B3GALT1: variants seen among roughly 807,000 people sequenced by gnomAD.
The protein encoded by B3GALT1 is beta-1,3-galactosyltransferase 1.
In B3GALT1, 10 loss-of-function variants were observed where a neutral mutation model predicts 23.2. The ratio of observed to expected loss-of-function variants is 0.43; its 90% CI spans 0.27 to 0.73. The LOEUF (loss-of-function observed/expected upper bound fraction) is 0.73. Among genes scored for constraint, B3GALT1 ranks in the 30% least tolerant of loss-of-function variants. The probability of loss-of-function intolerance (pLI) is 0.21; values close to 1 mark genes in which losing one functional copy is unlikely to be tolerated. For missense variants in B3GALT1, 299 were observed against 405.4 expected, an observed-to-expected ratio of 0.74 and a Z score of 2.25; for synonymous variants, 156 against 141.5, an observed-to-expected ratio of 1.10 and a Z score of -0.73.
chr2:167,404,306 C>A (rs568090147), intron 1 of B3GALT1, among the ~76,000 whole-genome samples: 10 of 152,134 alleles, frequency 6.6e-5, no homozygotes, highest in Non-Finnish European at 1.3e-4. Flanking sequence ...ACACCACCCC[C>A]CCATTAGGCC....
chr2:167,815,689 A>G (rs1282459854), intron 3 of B3GALT1, among the ~76,000 whole-genome samples: 1 of 152,234 alleles, frequency 6.6e-6, no homozygotes, highest in Non-Finnish European at 1.5e-5. Flanking sequence ...AGCACCGGCA[A>G]AATTCCTTTT....
chr2:167,560,933 A>T (rs1467600590), intron 2 of B3GALT1, among the ~76,000 whole-genome samples: 1 of 151,812 alleles, frequency 6.6e-6, no homozygotes, highest in East Asian at 1.9e-4. Flanking sequence ...CAGGAATTGA[A>T]CTCAGCTCTG....
chr2:167,521,982 GTGTATA>G (rs1480094679), intron 2 of B3GALT1, among the ~76,000 whole-genome samples: 15 of 135,240 alleles, frequency 1.1e-4, no homozygotes, highest in African/African-American at 2.8e-4. Context: ...GTGTGTGTGT[GTGTATA>G]TATATATATA....
intron 2 of B3GALT1, among the ~76,000 whole-genome samples, chr2:167,506,786 T>C (rs1201714791): frequency 7.1e-6 from 1 of 141,682 alleles, no homozygotes; most frequent in Non-Finnish European, 1.5e-5. Context: ...GATTTGGATT[T>C]GGATGGTGGA....
chr2:167,641,764 G>A lies in B3GALT1; in HGVS notation c.-409-5145G>A, dbSNP rs182668569. 5.9e-4 allele frequency among the ~76,000 whole-genome samples: 90 copies of A among 152,164 alleles called. 1 individual carries two copies. The highest frequency in any genetic ancestry group is 1.5e-3 in the African/African-American group (64 of 41,522). On this transcript the variant is annotated intron_variant, in intron 2 of 4. Coordinates refer to ENST00000392690, the MANE Select transcript of B3GALT1 (RefSeq NM_020981.4). ...TCTTGTCAGCCCTGCAAATGTTGGC[G>A]TGCTCAAGGACTCAGTGGTGGGACC... is the stretch of plus-strand genomic sequence containing the variant.
At chr2:167,518,770 G>A (rs113029891) in intron 2 of B3GALT1, among the ~76,000 whole-genome samples, 140 of 152,290 alleles carry the variant, frequency 9.2e-4, no homozygotes, top group Middle Eastern at 3.4e-3. Context: ...AACAGTTAAT[G>A]CCTGGTACTT....
intron 4 of B3GALT1, among the ~76,000 whole-genome samples, chr2:167,866,059 G>A (rs1021614779): frequency 2.0e-5 from 3 of 151,476 alleles, no homozygotes; most frequent in Admixed American, 6.6e-5. Context: ...TTATGCCCTT[G>A]CATATGCTGT....
intron 2 of B3GALT1, among the ~76,000 whole-genome samples, chr2:167,571,954 A>G (rs192380647): frequency 2.5e-4 from 38 of 152,050 alleles, no homozygotes; most frequent in African/African-American, 8.4e-4. Flanking sequence ...TACAACTTTT[A>G]CAATCAAACA....
intron 2 of B3GALT1, among the ~76,000 whole-genome samples, chr2:167,553,283 A>G (rs927135058): frequency 2.6e-5 from 4 of 152,174 alleles, no homozygotes; most frequent in African/African-American, 9.7e-5. Flanking sequence ...AATAATAACA[A>G]TGTTTATCTG....
In B3GALT1 at chr2:167,477,686, C is replaced by T. The variant is rs116006298; in HGVS notation, c.-510-12491C>T. Among the ~76,000 whole-genome samples the T allele has an allele frequency of 5.6e-3, 853 of 152,284 alleles. 9 individuals carry two copies. Among genetic ancestry groups the T allele is most frequent in the African/African-American group, 0.02 (818 of 41,568 alleles). ...ATTACCAATTCTGCTGTGATGGCTA[C>T]TGCAGAGAAACTATTAGACCCATTT... is the stretch of plus-strand genomic sequence containing the variant. On this transcript the variant is annotated intron_variant, in intron 1 of 4. Transcript: ENST00000392690.
chr2:167,626,478 T>G (rs1335935351), intron 2 of B3GALT1, among the ~76,000 whole-genome samples: 1 of 151,744 alleles, frequency 6.6e-6, no homozygotes, highest in Admixed American at 6.6e-5. Flanking sequence ...GGTGTCTGGA[T>G]AACGTATTTT....
At chr2:167,571,260 G>A (rs1455741507) in intron 2 of B3GALT1, among the ~76,000 whole-genome samples, 2 of 151,896 alleles carry the variant, frequency 1.3e-5, no homozygotes, top group African/African-American at 4.8e-5. Context: ...GCATAATTCT[G>A]TATAGGTGAT....
chr2:167,299,773 T>C (rs2105478736), intron 1 of B3GALT1, among the ~76,000 whole-genome samples: 1 of 151,964 alleles, frequency 6.6e-6, no homozygotes, highest in Admixed American at 6.5e-5. Context: ...AGTCATTTTT[T>C]CCCCTCTGTT....
At chr2:167,547,552 A>T (rs1683659714) in intron 2 of B3GALT1, among the ~76,000 whole-genome samples, 1 of 151,930 alleles carries the variant, frequency 6.6e-6, no homozygotes, top group African/African-American at 2.4e-5. Context: ...AAATTAGCTG[A>T]GCATGGTGGC....
At position 167,713,775 on chromosome 2, in the gene B3GALT1, G is replaced by A. The variant is rs1013429633; in HGVS notation, c.-352+66809G>A. ...GGGTTGGGGTAAAATCCAGGTCTTG[G>A]ATGAAAGTAAGGAGGTAAACCCCTC... On this transcript the variant is annotated intron_variant, in intron 3 of 4. Coordinates refer to ENST00000392690, the MANE Select transcript of B3GALT1 (RefSeq NM_020981.4). 6 of 1,590,770 alleles carry A rather than the reference G, an allele frequency of 3.8e-6. No individual in the cohort carries two copies. In the African/African-American group the frequency reaches 4.0e-5, roughly 11 times the overall value.
intron 3 of B3GALT1, among the ~76,000 whole-genome samples, chr2:167,732,655 T>C (rs985180828): frequency 2.6e-5 from 4 of 151,696 alleles, no homozygotes; most frequent in Non-Finnish European, 5.9e-5. Context: ...GGGGAGGGAG[T>C]AGAAAAGGGA....
intron 3 of B3GALT1, among the ~76,000 whole-genome samples, chr2:167,671,942 C>T (rs1686333895): frequency 6.6e-6 from 1 of 151,928 alleles, no homozygotes; most frequent in Non-Finnish European, 1.5e-5. Context: ...GAAGAGATAT[C>T]ACAATTGATA....
intron 3 of B3GALT1, among the ~76,000 whole-genome samples, chr2:167,773,835 T>C (rs968504537): frequency 6.6e-6 from 1 of 152,228 alleles, no homozygotes; most frequent in African/African-American, 2.4e-5. Context: ...CATAACCAAG[T>C]CCAAGTGGTC....
intron 1 of B3GALT1, among the ~76,000 whole-genome samples, chr2:167,432,267 T>C (rs1156317448): frequency 6.6e-6 from 1 of 152,158 alleles, no homozygotes; most frequent in African/African-American, 2.4e-5. Context: ...TGAAATAGAA[T>C]TGGGACACCA....
Sources: gnomAD v4.1 joint callset for allele counts (sites outside exome capture counted in the v4.1 genomes callset) on GRCh38, gnomAD v4.1.1 for gene constraint, MANE v1.5 for transcripts, NCBI Gene and HGNC (gene_info 2026-07-23, HGNC 2026-07-21) for gene names.